The following MYRIP variants were observed in gnomAD, a reference collection of about 807,000 sequenced individuals.
MYRIP encodes myosin VIIA and Rab interacting protein, also known as rab effector MyRIP.
MYRIP carries 49 observed loss-of-function variants against 98.0 expected under a neutral mutation model. That is an observed-to-expected ratio of 0.50 (90% CI 0.40 to 0.63). The LOEUF (loss-of-function observed/expected upper bound fraction) is 0.63, where lower values mean the gene tolerates loss of function less well. MYRIP is among the 30% of genes least tolerant of loss of function. The probability of loss-of-function intolerance (pLI) is 0.00; values close to 1 mark genes in which losing one functional copy is unlikely to be tolerated. For missense variants in MYRIP, 1,004 were observed against 1,058.2 expected, an observed-to-expected ratio of 0.95 and a Z score of 0.71; for synonymous variants, 404 against 409.5, an observed-to-expected ratio of 0.99 and a Z score of 0.16.
chr3:40,121,639 TGC>T (rs1462763225), intron 3 of MYRIP, among the ~76,000 whole-genome samples: 1 of 151,922 alleles, frequency 6.6e-6, no homozygotes, highest in Non-Finnish European at 1.5e-5. Flanking sequence ...TTCCACCAGG[TGC>T]CCCACTGGTG....
chr3:40,244,830 T>C (rs946052496), intron 13 of MYRIP, among the ~76,000 whole-genome samples: 1 of 152,222 alleles, frequency 6.6e-6, no homozygotes, highest in Non-Finnish European at 1.5e-5. Flanking sequence ...TGGATGCCCT[T>C]TAAACCTTAT....
chr3:39,878,900 C>T (rs960671950), intron 1 of MYRIP, among the ~76,000 whole-genome samples: 1 of 123,972 alleles, frequency 8.1e-6, no homozygotes, highest in Non-Finnish European at 1.8e-5. Flanking sequence ...ACTAAAAATA[C>T]AAAAAAAAAA....
intron 1 of MYRIP, among the ~76,000 whole-genome samples, chr3:39,849,770 A>T (rs1051976832): frequency 3.9e-5 from 6 of 152,158 alleles, no homozygotes; most frequent in Non-Finnish European, 5.9e-5. Context: ...TGATTCTCCC[A>T]TAAATAAAAC....
chr3:40,187,649 A>T lies in MYRIP; in HGVS notation c.1028-2177A>T, dbSNP rs565691302. Among the ~76,000 whole-genome samples, 39 of 152,316 alleles carry T rather than the reference A, an allele frequency of 2.6e-4. 1 individual carries two copies. Among genetic ancestry groups the T allele is most frequent in the African/African-American group, 8.9e-4 (37 of 41,574 alleles). On this transcript the variant is annotated intron_variant, in intron 9 of 16. Transcript: ENST00000302541. Reference sequence around the variant, plus strand: ...AGACCACTGGTCTTTCCACTGCACAAACTGGCTCTGGGACACAGCAGGCTA... The same window carrying T: ...AGACCACTGGTCTTTCCACTGCACATACTGGCTCTGGGACACAGCAGGCTA...
At chr3:40,060,884 C>T (rs144423301) in intron 3 of MYRIP, among the ~76,000 whole-genome samples, 77 of 152,180 alleles carry the variant, frequency 5.1e-4, no homozygotes, top group African/African-American at 9.4e-4. Flanking sequence ...TGAGGCACCA[C>T]GCCCGACCTA....
At chr3:40,057,449 A>T (rs1947907471) in intron 3 of MYRIP, among the ~76,000 whole-genome samples, 1 of 152,208 alleles carries the variant, frequency 6.6e-6, no homozygotes, top group African/African-American at 2.4e-5. Flanking sequence ...TTAGAACAGC[A>T]ATTAGAAGCT....
At chr3:39,826,870 G>C (rs1264751212) in intron 1 of MYRIP, among the ~76,000 whole-genome samples, 1 of 151,868 alleles carries the variant, frequency 6.6e-6, no homozygotes, top group Non-Finnish European at 1.5e-5. Context: ...GAATTGATTG[G>C]TCTCTTTATT....
At position 39,834,319 on chromosome 3, in the gene MYRIP, A is replaced by G. The variant is rs780503305; in HGVS notation, c.-31+24403A>G. The stretch of plus-strand genomic sequence containing the variant: ...ATAGGCTATTTGTATATTTATTAGG[A>G]CTATTCTCTGACCAATCAAGTAAAG... On this transcript the variant is annotated intron_variant, in intron 1 of 16. Coordinates refer to ENST00000302541, the MANE Select transcript of MYRIP (RefSeq NM_015460.4). Among the ~76,000 whole-genome samples the G allele has an allele frequency of 1.1e-3, 163 of 152,220 alleles. 1 individual carries two copies. The highest frequency in any genetic ancestry group is 3.1e-3 in the Admixed American group (47 of 15,284).
At chr3:40,145,384 T>C (rs1949986579) in intron 3 of MYRIP, among the ~76,000 whole-genome samples, 2 of 152,248 alleles carry the variant, frequency 1.3e-5, no homozygotes, top group African/African-American at 4.8e-5. Flanking sequence ...CGGTATATTG[T>C]GTTTGATAGG....
intron 3 of MYRIP, among the ~76,000 whole-genome samples, chr3:40,147,291 C>T (rs911385388): frequency 6.6e-6 from 1 of 152,130 alleles, no homozygotes; most frequent in Non-Finnish European, 1.5e-5. Flanking sequence ...GTCTTGACTG[C>T]ATTCTGTAAG....
chr3:39,842,956 G>A (rs921300632), intron 1 of MYRIP, among the ~76,000 whole-genome samples: 6 of 152,326 alleles, frequency 3.9e-5, no homozygotes, highest in African/African-American at 9.6e-5. Flanking sequence ...ATTCTGCAAC[G>A]CACCTTTAAT....
intron 3 of MYRIP, among the ~76,000 whole-genome samples, chr3:40,099,571 C>A (rs1193133947): frequency 6.6e-6 from 1 of 152,154 alleles, no homozygotes; most frequent in Non-Finnish European, 1.5e-5. Flanking sequence ...TGAATGGGGC[C>A]AAACATATAT....
At chr3:39,962,854 C>T (rs1945356365) in intron 2 of MYRIP, among the ~76,000 whole-genome samples, 1 of 152,036 alleles carries the variant, frequency 6.6e-6, no homozygotes, top group Non-Finnish European at 1.5e-5. Flanking sequence ...GATTTGGAAG[C>T]CAAGATTCAC....
intron 4 of MYRIP, among the ~76,000 whole-genome samples, chr3:40,155,339 G>T (rs1207102071): frequency 6.6e-6 from 1 of 150,706 alleles, no homozygotes; most frequent in East Asian, 1.9e-4. Context: ...TTTTATGGCT[G>T]CATAGTATTC....
intron 3 of MYRIP, among the ~76,000 whole-genome samples, chr3:40,080,791 C>CTTTTTTT (rs34610302): frequency 7.7e-4 from 72 of 93,814 alleles, no homozygotes; most frequent in East Asian, 1.1e-3. Flanking sequence ...ATCCTAACTT[C>CTTTTTTT]TTTTTTTTTT....
At chr3:40,255,408 T>C (rs1193211343) in intron 16 of MYRIP, among the ~76,000 whole-genome samples, 1 of 152,212 alleles carries the variant, frequency 6.6e-6, no homozygotes, top group East Asian at 1.9e-4. Context: ...TGCCACCAAA[T>C]TGTTCACTTT....
intron 3 of MYRIP, among the ~76,000 whole-genome samples, chr3:40,091,184 AGCT>A: frequency 6.6e-6 from 1 of 152,148 alleles, no homozygotes; most frequent in Non-Finnish European, 1.5e-5. Flanking sequence ...GATTATCCCC[AGCT>A]GAGCCACTGA....
intron 2 of MYRIP, among the ~76,000 whole-genome samples, chr3:40,032,910 T>C (rs1947293254): frequency 6.6e-6 from 1 of 152,106 alleles, no homozygotes; most frequent in Non-Finnish European, 1.5e-5. Flanking sequence ...CAAGGCTGGT[T>C]CAATATATGC....
At chr3:39,846,491 C>A (rs1054888247) in intron 1 of MYRIP, among the ~76,000 whole-genome samples, 1 of 152,136 alleles carries the variant, frequency 6.6e-6, no homozygotes, top group African/African-American at 2.4e-5. Context: ...TTCCCTTTCT[C>A]TCTCCCAAGT....
Sources: allele counts gnomAD v4.1 joint callset (sites outside exome capture counted in the v4.1 genomes callset), GRCh38; gene constraint gnomAD v4.1.1; transcripts MANE v1.5; gene names NCBI Gene and HGNC (gene_info 2026-07-23, HGNC 2026-07-21).